The following AUTS2 variants were observed in gnomAD, a reference collection of about 807,000 sequenced individuals.
AUTS2 encodes activator of transcription and developmental regulator AUTS2, also known as autism susceptibility gene 2 protein.
Under a neutral mutation model 112.4 loss-of-function variants are expected in AUTS2, and 17 were observed. The observed-to-expected ratio is 0.15, with a 90% confidence interval of 0.10 to 0.23. The LOEUF (loss-of-function observed/expected upper bound fraction) is 0.23, where lower values mean the gene tolerates loss of function less well. Ranked by LOEUF, AUTS2 falls within the 10% of genes least tolerant of loss-of-function variation. AUTS2 has a pLI of 1.00. For missense variants in AUTS2, 1,510 were observed against 1,701.6 expected, an observed-to-expected ratio of 0.89 and a Z score of 1.98; for synonymous variants, 751 against 702.7, an observed-to-expected ratio of 1.07 and a Z score of -1.09.
At chr7:69,634,522 T>C (rs1794428171) in intron 1 of AUTS2, among the ~76,000 whole-genome samples, 1 of 152,188 alleles carries the variant, frequency 6.6e-6, no homozygotes, top group African/African-American at 2.4e-5. Context: ...AGAGGAAATA[T>C]TGTAGGCTAA....
At chr7:70,660,645 G>A (rs1190693459) in intron 5 of AUTS2, among the ~76,000 whole-genome samples, 4 of 152,146 alleles carry the variant, frequency 2.6e-5, no homozygotes, top group African/African-American at 7.2e-5. Context: ...AGCATTTCCC[G>A]TGAGACAGGC....
At chr7:69,621,434 A>G (rs1228991047) in intron 1 of AUTS2, among the ~76,000 whole-genome samples, 1 of 150,308 alleles carries the variant, frequency 6.7e-6, no homozygotes, top group African/African-American at 2.5e-5. Context: ...AATCTATAAT[A>G]TATCTTAAGC....
intron 5 of AUTS2, among the ~76,000 whole-genome samples, chr7:70,442,157 A>G (rs989463738): frequency 1.3e-4 from 20 of 152,168 alleles, no homozygotes; most frequent in African/African-American, 3.6e-4. Context: ...GAATGGATCC[A>G]TGTTCTTGTC....
chr7:70,203,388 A>C (rs1458192672), intron 4 of AUTS2, among the ~76,000 whole-genome samples: 1 of 150,982 alleles, frequency 6.6e-6, no homozygotes, highest in Non-Finnish European at 1.5e-5. Context: ...AAGAATGAGA[A>C]GTAGACTGAC....
At chr7:70,463,757 A>G (rs193156490) in intron 5 of AUTS2, among the ~76,000 whole-genome samples, 3 of 152,294 alleles carry the variant, frequency 2.0e-5, no homozygotes, top group Non-Finnish European at 4.4e-5. Flanking sequence ...TGAGTAATTA[A>G]TCTCATTGTG....
chr7:70,673,170 A>G (rs555323034), intron 5 of AUTS2, among the ~76,000 whole-genome samples: 1 of 152,306 alleles, frequency 6.6e-6, no homozygotes, highest in South Asian at 2.1e-4. Context: ...TACATGCAGT[A>G]GTTGGCCCAT....
intron 6 of AUTS2, among the ~76,000 whole-genome samples, chr7:70,717,193 G>A (rs555466349): frequency 1.1e-4 from 17 of 151,874 alleles, no homozygotes; most frequent in African/African-American, 3.6e-4. Context: ...ATATACGTGC[G>A]TGCCACCACA....
At chr7:70,231,174 C>T (rs907573488) in intron 4 of AUTS2, among the ~76,000 whole-genome samples, 7 of 152,182 alleles carry the variant, frequency 4.6e-5, no homozygotes, top group African/African-American at 1.7e-4. Flanking sequence ...TGCCAACCTC[C>T]TCACTCAGCC....
chr7:70,117,762 T>C (rs1050810038), intron 2 of AUTS2, among the ~76,000 whole-genome samples: 1 of 152,044 alleles, frequency 6.6e-6, no homozygotes, highest in African/African-American at 2.4e-5. Context: ...TTTTTTTTTT[T>C]TGTGAGACGG....
chr7:69,903,648 C>G (rs1167717212), intron 2 of AUTS2, among the ~76,000 whole-genome samples: 1 of 152,152 alleles, frequency 6.6e-6, no homozygotes, highest in Non-Finnish European at 1.5e-5. Flanking sequence ...ATCCTGTGGT[C>G]TCCCTCCTTA....
intron 4 of AUTS2, among the ~76,000 whole-genome samples, chr7:70,361,339 A>G (rs1386025556): frequency 6.6e-6 from 1 of 152,134 alleles, no homozygotes; most frequent in Non-Finnish European, 1.5e-5. Context: ...TCTGAAAAAA[A>G]AAAAATCGAT....
intron 5 of AUTS2, among the ~76,000 whole-genome samples, chr7:70,442,163 T>C (rs1269702469): frequency 6.6e-6 from 1 of 152,202 alleles, no homozygotes; most frequent in African/African-American, 2.4e-5. Flanking sequence ...ATCCATGTTC[T>C]TGTCTTTATA....
At chr7:70,339,323 T>G (rs1455993229) in intron 4 of AUTS2, among the ~76,000 whole-genome samples, 1 of 152,236 alleles carries the variant, frequency 6.6e-6, no homozygotes, top group Non-Finnish European at 1.5e-5. Context: ...AGTTTCTGTT[T>G]CTTTATCTAG....
intron 2 of AUTS2, among the ~76,000 whole-genome samples, chr7:69,975,768 A>G (rs1798029816): frequency 2.0e-5 from 3 of 150,532 alleles, no homozygotes; most frequent in Non-Finnish European, 4.4e-5. Flanking sequence ...GCTCACTGCA[A>G]CCTCTGCCTC....
chr7:69,630,437 G>A (rs1794175725), intron 1 of AUTS2, among the ~76,000 whole-genome samples: 1 of 152,134 alleles, frequency 6.6e-6, no homozygotes, highest in African/African-American at 2.4e-5. Context: ...ACAGGCAGCC[G>A]TGCTAACCAT....
At chr7:70,770,693 C>T (rs564218167) in intron 10 of AUTS2, among the ~76,000 whole-genome samples, 4 of 152,274 alleles carry the variant, frequency 2.6e-5, no homozygotes, top group East Asian at 1.9e-4. Flanking sequence ...TGGACTCCTA[C>T]GTGAAGGGCT....
intron 4 of AUTS2, among the ~76,000 whole-genome samples, chr7:70,342,263 T>C (rs752478697): frequency 1.3e-5 from 2 of 152,220 alleles, no homozygotes; most frequent in Non-Finnish European, 2.9e-5. Flanking sequence ...TCAGTTGATA[T>C]TGTTCATTTT....
At chr7:70,229,563 C>T (rs1174654010) in intron 4 of AUTS2, among the ~76,000 whole-genome samples, 1 of 151,112 alleles carries the variant, frequency 6.6e-6, no homozygotes, top group Non-Finnish European at 1.5e-5. Flanking sequence ...TTGTGTTTAT[C>T]CTACTTAGAA....
chr7:70,058,115 A>G (rs1802074745), intron 2 of AUTS2, among the ~76,000 whole-genome samples: 1 of 152,202 alleles, frequency 6.6e-6, no homozygotes, highest in Admixed American at 6.5e-5. Flanking sequence ...CCCAGATGAA[A>G]GATTTTGCTG....
Sources: allele counts gnomAD v4.1 joint callset (sites outside exome capture counted in the v4.1 genomes callset), GRCh38; gene constraint gnomAD v4.1.1; transcripts MANE v1.5; gene names NCBI Gene and HGNC (gene_info 2026-07-23, HGNC 2026-07-21).